Variants in DAB1 observed in about 807,000 individuals in gnomAD.
The protein encoded by DAB1 is disabled homolog 1.
In DAB1, 15 loss-of-function variants were observed where a neutral mutation model predicts 64.6. The ratio of observed to expected loss-of-function variants is 0.23; its 90% CI spans 0.16 to 0.36. The LOEUF (loss-of-function observed/expected upper bound fraction) is 0.36, where lower values mean the gene tolerates loss of function less well. DAB1 is among the 10% of genes least tolerant of loss of function. The probability of loss-of-function intolerance (pLI) is 1.00; values close to 1 mark genes in which losing one functional copy is unlikely to be tolerated. For missense variants in DAB1, 596 were observed against 706.7 expected, an observed-to-expected ratio of 0.84 and a Z score of 1.78; for synonymous variants, 235 against 251.9, an observed-to-expected ratio of 0.93 and a Z score of 0.64.
At chr1:57,584,390 G>A (rs1349011981) in intron 7 of DAB1, among the ~76,000 whole-genome samples, 1 of 152,106 alleles carries the variant, frequency 6.6e-6, no homozygotes, top group Non-Finnish European at 1.5e-5. Flanking sequence ...AAATCACAGG[G>A]CTGGTTGAGG....
chr1:57,833,437 C>T (rs1346498136), intron 1 of DAB1, among the ~76,000 whole-genome samples: 1 of 152,196 alleles, frequency 6.6e-6, no homozygotes, highest in Non-Finnish European at 1.5e-5. Context: ...CACATCCATG[C>T]TTCCCATTCT....
chr1:58,194,797 G>A (rs1657582305), intron 4 of DAB1, among the ~76,000 whole-genome samples: 1 of 152,166 alleles, frequency 6.6e-6, no homozygotes, highest in African/African-American at 2.4e-5. Context: ...TGTTGTTGCA[G>A]ACAGAGCCCC....
chr1:57,997,859 G>C (rs1646449738), intron 5 of DAB1, among the ~76,000 whole-genome samples: 1 of 151,718 alleles, frequency 6.6e-6, no homozygotes, highest in South Asian at 2.1e-4. Flanking sequence ...TGTATTCTGT[G>C]TGCCAGCCAC....
chr1:57,034,140 C>T (rs142797952), intron 9 of DAB1, among the ~76,000 whole-genome samples: 4 of 151,984 alleles, frequency 2.6e-5, no homozygotes, highest in South Asian at 2.1e-4. Context: ...ATTAGCCAGA[C>T]GTGATGGCAG....
intron 6 of DAB1, among the ~76,000 whole-genome samples, chr1:57,764,552 C>T (rs1432353282): frequency 1.3e-5 from 2 of 152,130 alleles, no homozygotes; most frequent in Non-Finnish European, 2.9e-5. Context: ...AATGTTGTAT[C>T]TTTTAACAAA....
chr1:57,862,794 A>C (rs577239722), intron 1 of DAB1: 92 of 152,288 alleles, frequency 6.0e-4, no homozygotes, highest in African/African-American at 2.1e-3. Context: ...GGTGTTGGCA[A>C]GAAACAGGGA....
chr1:57,038,293 G>A (rs1292358942), intron 9 of DAB1, among the ~76,000 whole-genome samples: 1 of 152,188 alleles, frequency 6.6e-6, no homozygotes, highest in African/African-American at 2.4e-5. Flanking sequence ...ACTTCTTCTA[G>A]CTATAAGAGG....
intron 5 of DAB1, among the ~76,000 whole-genome samples, chr1:57,938,599 T>C (rs574211809): frequency 6.6e-6 from 1 of 152,272 alleles, no homozygotes; most frequent in East Asian, 1.9e-4. Context: ...TGATTGTAAG[T>C]TTCCTGAGGC....
rs376278240 is a variant in DAB1 at position 58,313,112 on chromosome 1, T to C, written n.309+30240A>G. Among the ~76,000 whole-genome samples the C allele has an allele frequency of 4.3e-4, 66 of 152,242 alleles. 1 individual carries two copies. The highest frequency in any genetic ancestry group is 1.5e-3 in the African/African-American group (62 of 41,556). On this transcript the variant is annotated intron_variant and non_coding_transcript_variant, in intron 4 of 20. Transcript: ENST00000485760. Reference sequence around the variant, plus strand: ...TGCTGTCCACTATGGATTCTTCCAATACTGTCTCTTTAAATTAGGCTGACC... The same window carrying C: ...TGCTGTCCACTATGGATTCTTCCAACACTGTCTCTTTAAATTAGGCTGACC...
intron 1 of DAB1, among the ~76,000 whole-genome samples, chr1:57,358,058 T>C (rs887685660): frequency 2.6e-5 from 4 of 152,096 alleles, no homozygotes; most frequent in Admixed American, 2.0e-4. Context: ...GTAGAGTCTT[T>C]AGGGTTTTCT....
At chr1:58,407,722 AT>A (rs1644629460) in intron 3 of DAB1, among the ~76,000 whole-genome samples, 1 of 152,050 alleles carries the variant, frequency 6.6e-6, no homozygotes. Flanking sequence ...GTCCTTTCTC[AT>A]TTGTTACCCT....
At chr1:58,151,201 TATG>T (rs1206035575) in intron 4 of DAB1, among the ~76,000 whole-genome samples, 1 of 152,256 alleles carries the variant, frequency 6.6e-6, no homozygotes, top group Non-Finnish European at 1.5e-5. Flanking sequence ...CCTTTGGGTA[TATG>T]CCCAGTAATG....
chr1:57,243,630 T>C lies in DAB1; in HGVS notation c.67+47334A>G, dbSNP rs150313839. ...TCCAGGACTCCCATTCTATACATCA[T>C]GTTTGCCTGCTAGGCCAGGAAGGTT... On this transcript the variant is annotated intron_variant, in intron 2 of 14. Coordinates refer to ENST00000371236, the MANE Select transcript of DAB1 (RefSeq NM_001365792.1). Among the ~76,000 whole-genome samples, 19 of 152,330 alleles carry C rather than the reference T, an allele frequency of 1.2e-4. No homozygotes were observed. The East Asian group carries it at 3.3e-3, about 26-fold the overall frequency.
At chr1:58,288,019 C>CAAAAAAAAA (rs763850453) in intron 4 of DAB1, among the ~76,000 whole-genome samples, 9 of 21,972 alleles carry the variant, frequency 4.1e-4, no homozygotes, top group African/African-American at 5.2e-4. Flanking sequence ...AAGACTGCCT[C>CAAAAAAAAA]AAAAAAAAAA....
intron 4 of DAB1, among the ~76,000 whole-genome samples, chr1:57,115,498 C>T (rs1656031439): frequency 6.6e-6 from 1 of 152,204 alleles, no homozygotes; most frequent in Admixed American, 6.5e-5. Context: ...ATAAAGGAGT[C>T]ACTGGCTACA....
At chr1:57,415,992 C>G (rs747803575) in intron 1 of DAB1, among the ~76,000 whole-genome samples, 19 of 152,140 alleles carry the variant, frequency 1.2e-4, no homozygotes, top group Non-Finnish European at 2.5e-4. Context: ...TAGGGTAGAT[C>G]AACTTCTAAC....
intron 2 of DAB1, among the ~76,000 whole-genome samples, chr1:57,246,703 C>T (rs1015154934): frequency 2.6e-5 from 4 of 152,226 alleles, no homozygotes; most frequent in South Asian, 2.1e-4. Flanking sequence ...GCACTGAATG[C>T]CAGCCCATAA....
intron 3 of DAB1, among the ~76,000 whole-genome samples, chr1:58,376,309 G>A (rs1012844512): frequency 7.2e-6 from 1 of 138,626 alleles, no homozygotes; most frequent in African/African-American, 2.7e-5. Flanking sequence ...TTCTCTTGTG[G>A]GCATTTAGTG....
intron 4 of DAB1, among the ~76,000 whole-genome samples, chr1:58,199,538 G>C (rs1208269870): frequency 1.3e-5 from 2 of 152,028 alleles, no homozygotes; most frequent in Non-Finnish European, 2.9e-5. Flanking sequence ...TTGTTCTGAG[G>C]ATTAAAGTAG....
Sources: gnomAD v4.1 joint callset for allele counts (sites outside exome capture counted in the v4.1 genomes callset) on GRCh38, gnomAD v4.1.1 for gene constraint, MANE v1.5 for transcripts, NCBI Gene and HGNC (gene_info 2026-07-23, HGNC 2026-07-21) for gene names.